Variants in HIVEP2 observed in about 807,000 individuals in gnomAD.
HIVEP2 encodes HIVEP zinc finger 2.
HIVEP2 carries 14 observed loss-of-function variants against 180.7 expected under a neutral mutation model. The ratio of observed to expected loss-of-function variants is 0.08; its 90% CI spans 0.05 to 0.12. The LOEUF is 0.12. Ranked by LOEUF, HIVEP2 falls within the 10% of genes least tolerant of loss-of-function variation. The pLI is 1.00. For missense variants in HIVEP2, 2,579 were observed against 3,008.5 expected (o/e 0.86, Z 3.34); for synonymous variants, 1,184 against 1,136.4 (o/e 1.04, Z -0.84).
chr6:142,930,380 A>G (rs550505298), intron 1 of HIVEP2, among the ~76,000 whole-genome samples: 1 of 152,338 alleles, frequency 6.6e-6, no homozygotes, highest in East Asian at 1.9e-4. Context: ...CTACTGTGGT[A>G]TCTCCAAGCT....
In HIVEP2 at chr6:142,752,210, G is replaced by A. The variant is rs1774940294; in HGVS notation, c.*897C>T. ...GCACTTGTACATATTTACATGGGGTGGAATGTTTTCCCATATTTTTAGATG... is the reference window on the plus strand; with the variant it reads ...GCACTTGTACATATTTACATGGGGTAGAATGTTTTCCCATATTTTTAGATG... On this transcript the variant is annotated 3_prime_UTR_variant, in exon 10 of 10. Transcript: ENST00000367603. 6.6e-6 allele frequency: 1 copy of A among 152,550 alleles called. No individual in the cohort carries two copies. Among genetic ancestry groups the A allele is most frequent in the Non-Finnish European group, 1.5e-5 (1 of 68,010 alleles). The allele number at this position is 152,550 out of a possible 1,614,324, so 9.4% of individuals were successfully genotyped here.
intron 1 of HIVEP2, among the ~76,000 whole-genome samples, chr6:142,915,078 A>T (rs1250218637): frequency 6.6e-6 from 1 of 152,160 alleles, no homozygotes; most frequent in East Asian, 1.9e-4. Flanking sequence ...ACACAATAAT[A>T]TTAAAATATT....
intron 2 of HIVEP2, among the ~76,000 whole-genome samples, chr6:142,784,121 G>A (rs139022439): frequency 6.6e-6 from 1 of 152,272 alleles, no homozygotes; most frequent in African/African-American, 2.4e-5. Context: ...AGTAAGTAAT[G>A]AAGAAAGGAA....
rs750574229 is a variant in HIVEP2 at position 142,772,574 on chromosome 6, C to A, written c.2165G>T (p.Gly722Val). ...GGGGTCATAATCGGAAGCCATGATG[C>A]CCACAGGAGTGCTTACAATGCTGCT... ...ICSSIVSTPV[G>V]IMASDYDPKL... The change falls in exon 5 of 10, where the codon GGC becomes GTC. Residue 722 changes from glycine to valine, a missense_variant. Gly to Val is a moderately radical substitution (Grantham distance 109, BLOSUM62 -3). This residue lies in a region of HIVEP2 where 524 missense variants were observed against 563.6 expected (regional missense o/e 0.93). Transcript: ENST00000367603. The surrounding 1 kb of genome is among the most constrained non-coding windows in gnomAD (Gnocchi z 4.9). 3 of 1,614,158 alleles carry A rather than the reference C, an allele frequency of 1.9e-6. No individual in the cohort carries two copies. The South Asian group carries it at 3.3e-5, about 18-fold the overall frequency.
At position 142,850,211 on chromosome 6, in the gene HIVEP2, T is replaced by G. The variant is rs577951147; in HGVS notation, c.-640-13164A>C. ...TTGGAGCATATTTAAATTTTTCTAG[T>G]TGAGAGACCTTTAACAGCTATGGCC... is the stretch of plus-strand genomic sequence containing the variant. On this transcript the variant is annotated intron_variant, in intron 1 of 9. Coordinates refer to ENST00000367603, the MANE Select transcript of HIVEP2 (RefSeq NM_006734.4). 2.6e-5 allele frequency among the ~76,000 whole-genome samples: 4 copies of G among 152,312 alleles called. No individual in the cohort carries two copies. In the East Asian group the frequency reaches 7.7e-4, roughly 29 times the overall value.
chr6:142,852,217 A>C (rs1775698981), intron 1 of HIVEP2, among the ~76,000 whole-genome samples: 1 of 152,182 alleles, frequency 6.6e-6, no homozygotes, highest in Non-Finnish European at 1.5e-5. Context: ...ACTTCAGTCC[A>C]TTATATTATT....
intron 7 of HIVEP2, among the ~76,000 whole-genome samples, chr6:142,762,007 C>A (rs774723261): frequency 6.6e-6 from 1 of 152,198 alleles, no homozygotes; most frequent in Non-Finnish European, 1.5e-5. Context: ...GGGCCCCTGA[C>A]CTTCTGTGAC....
chr6:142,865,427 A>G (rs1776113127), intron 1 of HIVEP2, among the ~76,000 whole-genome samples: 1 of 129,670 alleles, frequency 7.7e-6, no homozygotes, highest in African/African-American at 2.6e-5. Context: ...AAGGTCTGAA[A>G]CTGAGAAGAA....
At chr6:142,827,479 A>T (rs553115475) in intron 2 of HIVEP2, among the ~76,000 whole-genome samples, 15 of 152,346 alleles carry the variant, frequency 9.8e-5, no homozygotes, top group Admixed American at 8.5e-4. Context: ...TGGCACATAA[A>T]TATCCTTGAG....
At chr6:142,901,270 A>G (rs1460273042) in intron 1 of HIVEP2, among the ~76,000 whole-genome samples, 1 of 152,228 alleles carries the variant, frequency 6.6e-6, no homozygotes, top group Non-Finnish European at 1.5e-5. Flanking sequence ...GTACAAATCA[A>G]TTCATAGCTA....
intron 1 of HIVEP2, among the ~76,000 whole-genome samples, chr6:142,838,492 G>T (rs1373603672): frequency 6.6e-6 from 1 of 152,018 alleles, no homozygotes; most frequent in Non-Finnish European, 1.5e-5. Flanking sequence ...CACATTTTTC[G>T]CATTTGAATA....
At chr6:142,871,617 T>C (rs1455145140) in intron 1 of HIVEP2, among the ~76,000 whole-genome samples, 2 of 147,160 alleles carry the variant, frequency 1.4e-5, no homozygotes, top group Non-Finnish European at 3.0e-5. Flanking sequence ...AGATCAGAAG[T>C]AAAAAAAAAA....
intron 1 of HIVEP2, among the ~76,000 whole-genome samples, chr6:142,874,420 T>C (rs997267626): frequency 6.6e-6 from 1 of 152,164 alleles, no homozygotes; most frequent in Admixed American, 6.6e-5. Flanking sequence ...TATAAATTAG[T>C]AAGCAGACCA....
intron 9 of HIVEP2, among the ~76,000 whole-genome samples, chr6:142,758,742 C>T (rs1433501905): frequency 6.6e-6 from 1 of 152,140 alleles, no homozygotes; most frequent in East Asian, 1.9e-4. Context: ...AAATGTAATC[C>T]ATGGTGGTTA....
At chr6:142,813,088 T>C (rs1344789754) in intron 2 of HIVEP2, among the ~76,000 whole-genome samples, 1 of 152,128 alleles carries the variant, frequency 6.6e-6, no homozygotes, top group East Asian at 1.9e-4. Flanking sequence ...TTAATAAAAT[T>C]ATGACTTTAT....
intron 1 of HIVEP2, among the ~76,000 whole-genome samples, chr6:142,846,279 A>G (rs1336457187): frequency 3.9e-5 from 6 of 152,068 alleles, no homozygotes; most frequent in Non-Finnish European, 2.9e-5. Context: ...TTTGAAGAAA[A>G]AAAAAAAGAA....
intron 1 of HIVEP2, among the ~76,000 whole-genome samples, chr6:142,894,816 C>T (rs149024262): frequency 2.6e-5 from 4 of 152,080 alleles, no homozygotes; most frequent in African/African-American, 9.7e-5. Flanking sequence ...GCAGGGTCTC[C>T]GGCATCCACA....
chr6:142,940,108 T>C (rs1339442597), intron 1 of HIVEP2, among the ~76,000 whole-genome samples: 1 of 152,210 alleles, frequency 6.6e-6, no homozygotes, highest in East Asian at 1.9e-4. Flanking sequence ...GCTAGTTGTT[T>C]GAAAATATAT....
intron 1 of HIVEP2, among the ~76,000 whole-genome samples, chr6:142,861,682 A>G (rs1775983258): frequency 6.6e-6 from 1 of 152,132 alleles, no homozygotes; most frequent in Non-Finnish European, 1.5e-5. Context: ...TGCCCTTAAA[A>G]TTTGCCCTCT....
Sources: allele counts gnomAD v4.1 joint callset (sites outside exome capture counted in the v4.1 genomes callset), GRCh38; gene constraint gnomAD v4.1.1; regional missense constraint gnomAD v4.1.1; non-coding constraint Gnocchi (gnomAD v3.1); transcripts MANE v1.5; gene names NCBI Gene and HGNC (gene_info 2026-07-23, HGNC 2026-07-21).